The following PPP3CA variants were observed in gnomAD, a reference collection of about 807,000 sequenced individuals.
PPP3CA encodes the protein protein phosphatase 3 catalytic subunit alpha.
Under a neutral mutation model 66.5 loss-of-function variants are expected in PPP3CA, and 14 were observed. The ratio of observed to expected loss-of-function variants is 0.21; its 90% CI spans 0.14 to 0.33. The LOEUF (loss-of-function observed/expected upper bound fraction) is 0.33, where lower values mean the gene tolerates loss of function less well. Ranked by LOEUF, PPP3CA falls within the 10% of genes least tolerant of loss-of-function variation. The pLI is 1.00. For synonymous variants in PPP3CA, 232 were observed against 226.2 expected (o/e 1.03, Z -0.23); for missense variants, 317 against 639.5 (o/e 0.50, Z 5.44).
chr4:101,106,479 A>G lies in PPP3CA; in HGVS notation c.384+2475T>C, dbSNP rs1402388759. ...AGAAAAGAAAAGAAAAGAAAAGAAA[A>G]GAAAAGAAAAGAAAAGAAAAGAAAG... On this transcript the variant is annotated intron_variant, in intron 3 of 13. Coordinates refer to ENST00000394854, the MANE Select transcript of PPP3CA (RefSeq NM_000944.5). Among the ~76,000 whole-genome samples the G allele has an allele frequency of 3.1e-3, 238 of 77,564 alleles. 64 individuals carry two copies. The highest frequency in any genetic ancestry group is 0.018 in the African/African-American group (220 of 11,966). The allele number at this position is 77,564 out of a possible 152,430, so 50.9% of individuals were successfully genotyped here. A position where few individuals can be genotyped will look rare whatever the true frequency, so the allele number is the denominator to read the frequency against.
chr4:101,136,414 G>A (rs535383672), intron 2 of PPP3CA, among the ~76,000 whole-genome samples: 95 of 152,194 alleles, frequency 6.2e-4, no homozygotes, highest in Non-Finnish European at 1.0e-3. Flanking sequence ...GGTGGCATGT[G>A]CCTGTAGTCC....
At chr4:101,259,221 T>C (rs907904101) in intron 1 of PPP3CA, among the ~76,000 whole-genome samples, 4 of 152,162 alleles carry the variant, frequency 2.6e-5, no homozygotes, top group Admixed American at 2.0e-4. Flanking sequence ...ATAAATTCAA[T>C]TGTGATAACT....
chr4:101,331,453 A>G (rs578152241), intron 1 of PPP3CA, among the ~76,000 whole-genome samples: 16 of 152,318 alleles, frequency 1.1e-4, no homozygotes, highest in African/African-American at 2.9e-4. Flanking sequence ...TGCACTAAGC[A>G]CTGGAGAGAT....
intron 1 of PPP3CA, among the ~76,000 whole-genome samples, chr4:101,207,066 T>C (rs1236398412): frequency 6.6e-6 from 1 of 152,144 alleles, no homozygotes; most frequent in Non-Finnish European, 1.5e-5. Flanking sequence ...TTGCAAACAT[T>C]TTGAAAAACT....
chr4:101,101,930 G>A (rs1014554299), intron 3 of PPP3CA, among the ~76,000 whole-genome samples: 1 of 152,098 alleles, frequency 6.6e-6, no homozygotes, highest in South Asian at 2.1e-4. Context: ...TACCACTAGA[G>A]GAATCACATT....
rs144270353 is a variant in PPP3CA, at chr4:101,202,637, G to GC, written c.59-6522dup. On this transcript the variant is annotated intron_variant, in intron 1 of 13. Transcript: ENST00000394854. ...CTACTCCTTCAGACACTCATCACTT[G>GC]CGTGTTTGAAAGTCTTTCACTTTTA... Among the ~76,000 whole-genome samples the GC allele has an allele frequency of 3.5e-3, 540 of 152,258 alleles. 1 individual carries two copies. Among genetic ancestry groups the GC allele is most frequent in the Non-Finnish European group, 5.7e-3 (391 of 68,030 alleles).
At chr4:101,283,279 G>A (rs543339765) in intron 1 of PPP3CA, among the ~76,000 whole-genome samples, 1 of 152,258 alleles carries the variant, frequency 6.6e-6, no homozygotes, top group East Asian at 1.9e-4. Context: ...AAATAATTTC[G>A]TGACTTGAAA....
intron 1 of PPP3CA, among the ~76,000 whole-genome samples, chr4:101,338,307 C>G (rs182617365): frequency 6.6e-6 from 1 of 152,334 alleles, no homozygotes; most frequent in Non-Finnish European, 1.5e-5. Flanking sequence ...CAAAAACTCA[C>G]AGGAAAACAC....
In PPP3CA at chr4:101,144,433, T is replaced by C. The variant is rs547085177; in HGVS notation, c.260-35355A>G. ...CATCCCTCTGCTCCTTAGGACACAT[T>C]TGAATGCCTAGAATGCTCTTTCCCT... On this transcript the variant is annotated intron_variant, in intron 2 of 13. Transcript: ENST00000394854. Among the ~76,000 whole-genome samples the C allele has an allele frequency of 9.2e-5, 14 of 152,254 alleles. No homozygotes were observed. In the Middle Eastern group the frequency reaches 0.01, roughly 112 times the overall value.
intron 12 of PPP3CA, among the ~76,000 whole-genome samples, chr4:101,029,859 G>C (rs371760129): frequency 2.7e-5 from 4 of 150,846 alleles, no homozygotes; most frequent in African/African-American, 9.8e-5. Context: ...AAAAGGAAAC[G>C]AATGATATAA....
intron 1 of PPP3CA, among the ~76,000 whole-genome samples, chr4:101,331,151 G>A (rs1729373027): frequency 6.6e-6 from 1 of 152,030 alleles, no homozygotes; most frequent in African/African-American, 2.4e-5. Flanking sequence ...AATATATTTG[G>A]CCTCATCTTG....
chr4:101,222,671 T>C (rs948185449), intron 1 of PPP3CA, among the ~76,000 whole-genome samples: 1 of 151,708 alleles, frequency 6.6e-6, no homozygotes, highest in Non-Finnish European at 1.5e-5. Context: ...GATGAAAATG[T>C]GTTTCATAAA....
intron 2 of PPP3CA, among the ~76,000 whole-genome samples, chr4:101,151,142 A>C (rs1229302618): frequency 1.3e-5 from 2 of 152,242 alleles, no homozygotes; most frequent in Non-Finnish European, 2.9e-5. Flanking sequence ...TACTTCATCA[A>C]TGGCACACAG....
At position 101,232,404 on chromosome 4, in the gene PPP3CA, C is replaced by A. The variant is rs1725992059; in HGVS notation, c.59-36288G>T. 4.0e-5 allele frequency among the ~76,000 whole-genome samples: 6 copies of A among 151,418 alleles called. No individual in the cohort carries two copies. The South Asian group carries it at 1.2e-3, about 32-fold the overall frequency. On this transcript the variant is annotated intron_variant, in intron 1 of 13. Coordinates refer to ENST00000394854, the MANE Select transcript of PPP3CA (RefSeq NM_000944.5). ...TAAAGTATAATTTTTGGCCACTGGGCAAAGTTGGAATTATTTTCTTCAAAA... is the reference window on the plus strand; with the variant it reads ...TAAAGTATAATTTTTGGCCACTGGGAAAAGTTGGAATTATTTTCTTCAAAA...
At chr4:101,063,481 T>C in intron 8 of PPP3CA, 124 bp from the exon 9 acceptor site, 1 of 1,121,294 alleles carries the variant, frequency 8.9e-7, no homozygotes, top group Non-Finnish European at 1.2e-6. Flanking sequence ...GCTCACACCT[T>C]AGGCATCCCA....
chr4:101,075,627 A>G (rs1215470042), intron 8 of PPP3CA, among the ~76,000 whole-genome samples: 1 of 152,220 alleles, frequency 6.6e-6, no homozygotes, highest in African/African-American at 2.4e-5. Context: ...ACATCAAGGT[A>G]TAAAATACAT....
At chr4:101,128,281 C>T (rs889045567) in intron 2 of PPP3CA, among the ~76,000 whole-genome samples, 1 of 151,822 alleles carries the variant, frequency 6.6e-6, no homozygotes, top group African/African-American at 2.4e-5. Context: ...TGGGTGTTCC[C>T]AACACAAAGA....
intron 5 of PPP3CA, among the ~76,000 whole-genome samples, chr4:101,094,754 T>C (rs1335417343): frequency 6.6e-6 from 1 of 152,168 alleles, no homozygotes; most frequent in African/African-American, 2.4e-5. Flanking sequence ...AGAAATATCA[T>C]CACTGGAAAT....
intron 1 of PPP3CA, among the ~76,000 whole-genome samples, chr4:101,228,008 G>C (rs1725838205): frequency 1.3e-5 from 2 of 151,372 alleles, no homozygotes; most frequent in African/African-American, 4.8e-5. Flanking sequence ...TCTTTGCTAT[G>C]AACAGGCCTT....
Sources: gnomAD v4.1 joint callset for allele counts (sites outside exome capture counted in the v4.1 genomes callset) on GRCh38, gnomAD v4.1.1 for gene constraint, MANE v1.5 for transcripts, NCBI Gene and HGNC (gene_info 2026-07-23, HGNC 2026-07-21) for gene names.